Variants in ATP8A2 observed in about 807,000 individuals in gnomAD.
ATP8A2 encodes the protein phospholipid-transporting ATPase IB.
ATP8A2 carries 100 observed loss-of-function variants against 165.6 expected under a neutral mutation model. The ratio of observed to expected loss-of-function variants is 0.60; its 90% confidence interval spans 0.51 to 0.71. ATP8A2 has a LOEUF of 0.71. Ranked by LOEUF, ATP8A2 falls within the 30% of genes least tolerant of loss-of-function variation. The pLI, the probability that ATP8A2 is intolerant of heterozygous loss-of-function variation, is 0.00. For missense variants in ATP8A2, 1,227 were observed against 1,479.5 expected (o/e 0.83, Z 2.80); for synonymous variants, 543 against 548.8 (o/e 0.99, Z 0.15).
chr13:25,597,162 AC>A (rs557370549), intron 24 of ATP8A2, among the ~76,000 whole-genome samples: 42 of 152,232 alleles, frequency 2.8e-4, no homozygotes, highest in Non-Finnish European at 4.3e-4. Flanking sequence ...TTGGATATAA[AC>A]CCTGTTTCAT....
intron 24 of ATP8A2, among the ~76,000 whole-genome samples, chr13:25,671,678 C>T (rs1038850883): frequency 2.9e-4 from 44 of 151,692 alleles, no homozygotes; most frequent in African/African-American, 8.8e-4. Flanking sequence ...TTGGTCAGAC[C>T]GGTTGATCTC....
intron 25 of ATP8A2, among the ~76,000 whole-genome samples, chr13:25,747,545 G>A (rs553669927): frequency 6.6e-6 from 1 of 152,168 alleles, no homozygotes; most frequent in South Asian, 2.1e-4. Flanking sequence ...GAGTGGAGGA[G>A]GTAAGCTCAG....
At chr13:26,017,146 A>G (rs897452598) in intron 36 of ATP8A2, among the ~76,000 whole-genome samples, 2 of 152,180 alleles carry the variant, frequency 1.3e-5, no homozygotes, top group Non-Finnish European at 1.5e-5. Context: ...ATAAAAGAGT[A>G]TGTCCCATTC....
At chr13:25,667,090 CA>C in intron 24 of ATP8A2, among the ~76,000 whole-genome samples, 1 of 152,154 alleles carries the variant, frequency 6.6e-6, no homozygotes, top group South Asian at 2.1e-4. Flanking sequence ...TGTCTAGTTC[CA>C]AAACATTTTC....
chr13:25,803,491 G>A (rs1306634789), intron 27 of ATP8A2, among the ~76,000 whole-genome samples: 3 of 152,152 alleles, frequency 2.0e-5, no homozygotes, highest in Admixed American at 1.3e-4. Context: ...TTATTAAATT[G>A]TATATTTGTA....
intron 33 of ATP8A2, among the ~76,000 whole-genome samples, chr13:25,907,171 G>A (rs1027543926): frequency 5.3e-5 from 8 of 152,200 alleles, no homozygotes; most frequent in Middle Eastern, 3.4e-3. Context: ...CAGAGGCTGC[G>A]GTGAGTAACC....
At position 25,742,212 on chromosome 13, in the gene ATP8A2, T is replaced by C. The variant is rs550196707; in HGVS notation, c.2385-26834T>C. Among the ~76,000 whole-genome samples, 16 of 152,234 alleles carry C rather than the reference T, an allele frequency of 1.1e-4. No homozygotes were observed. The South Asian group carries it at 2.5e-3, about 24-fold the overall frequency. On this transcript the variant is annotated intron_variant, in intron 25 of 36. Transcript: ENST00000381655. ...TGCAACACAGTGGTAAGTATTTGTG[T>C]ACTAAACACATCCTAAACATAGAAA... is the stretch of plus-strand genomic sequence containing the variant.
intron 2 of ATP8A2, among the ~76,000 whole-genome samples, chr13:25,514,471 C>T (rs1418296795): frequency 6.6e-6 from 1 of 152,110 alleles, no homozygotes; most frequent in Non-Finnish European, 1.5e-5. Flanking sequence ...GGCCAGATAG[C>T]AAGACTCACT....
intron 24 of ATP8A2, among the ~76,000 whole-genome samples, chr13:25,628,760 C>T (rs1337539087): frequency 6.6e-6 from 1 of 152,286 alleles, no homozygotes; most frequent in East Asian, 1.9e-4. Flanking sequence ...TTATAGGACA[C>T]CAGTCATGAT....
intron 27 of ATP8A2, among the ~76,000 whole-genome samples, chr13:25,788,790 G>A (rs553479787): frequency 6.6e-5 from 10 of 152,158 alleles, no homozygotes; most frequent in Admixed American, 5.9e-4. Context: ...TAATTGGTGC[G>A]CTAAGAATCA....
At chr13:25,883,592 C>T (rs1953049394) in intron 33 of ATP8A2, among the ~76,000 whole-genome samples, 2 of 152,232 alleles carry the variant, frequency 1.3e-5, no homozygotes, top group Admixed American at 6.5e-5. Flanking sequence ...GTCTTCACTC[C>T]TGTGCCTTGC....
At chr13:25,390,548 A>G (rs916508720) in intron 1 of ATP8A2, among the ~76,000 whole-genome samples, 2 of 152,074 alleles carry the variant, frequency 1.3e-5, no homozygotes, top group Non-Finnish European at 2.9e-5. Context: ...CTGACTCTGT[A>G]GTTTTGTCTT....
chr13:25,958,233 C>T (rs577200872), intron 33 of ATP8A2, among the ~76,000 whole-genome samples: 39 of 151,828 alleles, frequency 2.6e-4, no homozygotes, highest in African/African-American at 9.2e-4. Context: ...ACCACCATGG[C>T]ACGTGTATAC....
chr13:25,727,139 T>C (rs919001804), intron 25 of ATP8A2, among the ~76,000 whole-genome samples: 5 of 152,194 alleles, frequency 3.3e-5, no homozygotes, highest in East Asian at 3.8e-4. Context: ...GTGTGTTTTT[T>C]CTCAGATCTC....
Position 25,372,414 on chromosome 13 carries a change from T to A in ATP8A2, c.76+126T>A. ...CCCTCCCTGGGCTCCCTGGGCTCTC[T>A]GGGCTGCAGGATCCGCCGACGCGGC... On this transcript the variant is annotated intron_variant, in intron 1 of 36. Transcript: ENST00000381655. The surrounding 1 kb of genome is among the most constrained non-coding windows in gnomAD (Gnocchi z 4.8). 2 of 654,062 alleles carry A rather than the reference T, an allele frequency of 3.1e-6. No individual in the cohort carries two copies. The highest frequency in any genetic ancestry group is 4.4e-6 in the Non-Finnish European group (2 of 458,244). 40.5% of individuals were successfully genotyped at this position (654,062 alleles called of 1,614,324 possible).
intron 2 of ATP8A2, among the ~76,000 whole-genome samples, chr13:25,523,320 T>C (rs2037732126): frequency 6.6e-6 from 1 of 150,506 alleles, no homozygotes; most frequent in African/African-American, 2.4e-5. Context: ...TTGCCCAGGC[T>C]GGAGTGCAGT....
At chr13:25,564,174 A>G in intron 16 of ATP8A2, 143 bp downstream of exon 16, 2 of 647,364 alleles carry the variant, frequency 3.1e-6, no homozygotes, top group South Asian at 3.6e-5. Context: ...CTGAGAAGTG[A>G]TCTTAGACAA....
intron 27 of ATP8A2, among the ~76,000 whole-genome samples, chr13:25,793,451 A>G (rs1165322000): frequency 2.0e-5 from 3 of 152,202 alleles, no homozygotes; most frequent in Admixed American, 1.3e-4. Flanking sequence ...TTATTTATCT[A>G]GATTAGGCAA....
At chr13:25,542,096 T>C (rs1405109830) in intron 9 of ATP8A2, 50 bp downstream of exon 9, 1 of 1,542,926 alleles carries the variant, frequency 6.5e-7, no homozygotes, top group African/African-American at 1.4e-5. Flanking sequence ...GACTAAGAAT[T>C]ACTGGAGCTT....
Sources: gnomAD v4.1 joint callset for allele counts (sites outside exome capture counted in the v4.1 genomes callset) on GRCh38, gnomAD v4.1.1 for gene constraint, Gnocchi (gnomAD v3.1) non-coding constraint, MANE v1.5 for transcripts, NCBI Gene and HGNC (gene_info 2026-07-23, HGNC 2026-07-21) for gene names.